MOXD1: variants seen among roughly 807,000 people sequenced by gnomAD.
MOXD1 encodes the protein DBH-like monooxygenase protein 1.
A neutral mutation model predicts 66.6 loss-of-function variants in MOXD1; 62 were observed. That is an observed-to-expected ratio of 0.93 (90% CI 0.76 to 1.15). MOXD1 has a LOEUF of 1.15. Among genes scored for constraint, MOXD1 ranks in the 50% most tolerant of loss-of-function variants. The probability of loss-of-function intolerance (pLI) is 0.00; values close to 1 mark genes in which losing one functional copy is unlikely to be tolerated. For missense variants in MOXD1, 847 were observed against 754.6 expected, an observed-to-expected ratio of 1.12 and a Z score of -1.44; for synonymous variants, 303 against 281.9, an observed-to-expected ratio of 1.07 and a Z score of -0.75.
chr6:132,401,370 C>A lies in MOXD1; in HGVS notation c.57G>T (p.Gly19=), dbSNP rs773544835. ...LWGLLPGTAA[G]GSGRTYPHRT... ...GGTGCGGATAGGTTCGGCCCGAGCC[C>A]CCCGCCGCCGTCCCGGGGAGCAGCC... Residue 19 remains glycine (G), a synonymous_variant, in exon 1 of 12, where the codon GGG becomes GGT. Transcript: ENST00000367963. 6.5e-7 allele frequency: 1 copy of A among 1,546,798 alleles called. No homozygotes were observed. Among genetic ancestry groups the A allele is most frequent in the Admixed American group, 1.9e-5 (1 of 52,396 alleles).
In MOXD1 at chr6:132,401,217, C is replaced by T. The variant is rs1361678328; in HGVS notation, c.210G>A (p.Met70Ile). The part of the protein sequence containing the change: ...VGFGFSPTGA[M>I]ASADIVVGGV... Reference sequence around the variant, plus strand: ...CGCCCACGACGATGTCGGCGGACGCCATGGCCCCGGTGGGCGAGAAGCCGA... The same window carrying T: ...CGCCCACGACGATGTCGGCGGACGCTATGGCCCCGGTGGGCGAGAAGCCGA... The change falls in exon 1 of 12, where the codon ATG (methionine) becomes ATA (isoleucine). Residue 70 changes from methionine (M) to isoleucine (I), a missense_variant. Physicochemically the swap from Met to Ile is conservative, Grantham distance 10 (BLOSUM62 1). Coordinates refer to ENST00000367963, the MANE Select transcript of MOXD1 (RefSeq NM_015529.4). 6.4e-7 allele frequency: 1 copy of T among 1,570,684 alleles called. No individual in the cohort carries two copies. Among genetic ancestry groups the T allele is most frequent in the Non-Finnish European group, 8.6e-7 (1 of 1,166,732 alleles).
Position 132,401,455 on chromosome 6 carries a change from G to A in MOXD1, c.-29C>T. ...CGGGCGCCTCCTGCCCGCCGGTACC[G>A]GCCTCCAGCCGCTGGGGAGTGAGGA... On this transcript the variant is annotated 5_prime_UTR_variant, in exon 1 of 12. Transcript: ENST00000367963. The A allele has an allele frequency of 6.8e-7, 1 of 1,464,226 alleles. No individual in the cohort carries two copies. The highest frequency in any genetic ancestry group is 9.0e-7 in the Non-Finnish European group (1 of 1,114,518). 90.7% of individuals were successfully genotyped at this position (1,464,226 alleles called of 1,614,324 possible). A position where few individuals can be genotyped will look rare whatever the true frequency, so the allele number is the denominator to read the frequency against.
At chr6:132,310,840 CT>C (rs1373602705) in intron 10 of MOXD1, among the ~76,000 whole-genome samples, 1 of 151,992 alleles carries the variant, frequency 6.6e-6, no homozygotes, top group Admixed American at 6.6e-5. Flanking sequence ...ACACCAGGGC[CT>C]GTTGGGGGAT....
At chr6:132,366,031 A>G (rs983746621) in intron 4 of MOXD1, among the ~76,000 whole-genome samples, 2 of 152,202 alleles carry the variant, frequency 1.3e-5, no homozygotes, top group Non-Finnish European at 2.9e-5. Flanking sequence ...TTTTTATAGC[A>G]TAACTTTTTC....
chr6:132,306,053 A>G (rs1015759070), intron 10 of MOXD1, among the ~76,000 whole-genome samples: 1 of 152,142 alleles, frequency 6.6e-6, no homozygotes, highest in Non-Finnish European at 1.5e-5. Flanking sequence ...AAGATGGGTA[A>G]TAAAAACTAT....
chr6:132,372,571 A>G (rs1176697375), intron 4 of MOXD1, 37 bp downstream of exon 4: 7 of 1,507,108 alleles, frequency 4.6e-6, no homozygotes, highest in Non-Finnish European at 6.5e-6. Context: ...TTTTCCACTC[A>G]TGAAAATTAA....
Position 132,340,638 on chromosome 6 carries a change from A to ATTTTTT in MOXD1, c.664-12050_664-12045dup, listed in dbSNP as rs869205496. Among the ~76,000 whole-genome samples, 84 of 98,780 alleles carry ATTTTTT rather than the reference A, an allele frequency of 8.5e-4. 7 individuals carry two copies. The highest frequency in any genetic ancestry group is 8.1e-3 in the East Asian group (20 of 2,460). 64.8% of individuals were successfully genotyped at this position (98,780 alleles called of 152,430 possible). A position where few individuals can be genotyped will look rare whatever the true frequency, so the allele number is the denominator to read the frequency against. On this transcript the variant is annotated intron_variant, in intron 4 of 11. Coordinates refer to ENST00000367963, the MANE Select transcript of MOXD1 (RefSeq NM_015529.4). ...ACAACATGCTAAAACAACAAGACTCATTTTTTTTTTTTTTTTTTTTTTTTT... is the reference window on the plus strand; with the variant it reads ...ACAACATGCTAAAACAACAAGACTCATTTTTTTTTTTTTTTTTTTTTTTTTTTTTTT...
chr6:132,332,737 C>A (rs1382236107), intron 4 of MOXD1, among the ~76,000 whole-genome samples: 2 of 152,332 alleles, frequency 1.3e-5, no homozygotes, highest in East Asian at 3.9e-4. Flanking sequence ...GCACTGCTAC[C>A]AATCCCCTGA....
At chr6:132,341,835 G>A (rs1775569308) in intron 4 of MOXD1, among the ~76,000 whole-genome samples, 1 of 152,132 alleles carries the variant, frequency 6.6e-6, no homozygotes, top group African/African-American at 2.4e-5. Context: ...GCTCACATTT[G>A]CCCTGTTGCT....
intron 4 of MOXD1, among the ~76,000 whole-genome samples, chr6:132,334,710 A>G (rs1171719156): frequency 1.3e-5 from 2 of 152,172 alleles, no homozygotes; most frequent in Non-Finnish European, 2.9e-5. Flanking sequence ...TATTTTGATG[A>G]GAGAGGAAAG....
At chr6:132,327,909 C>T (rs1775222094) in intron 6 of MOXD1, 104 bp downstream of exon 6, 2 of 832,120 alleles carry the variant, frequency 2.4e-6, no homozygotes, top group Non-Finnish European at 3.9e-6. Context: ...TAGGTTAATT[C>T]CTTCTAACAC....
At chr6:132,339,069 T>A (rs1283794821) in intron 4 of MOXD1, among the ~76,000 whole-genome samples, 1 of 152,208 alleles carries the variant, frequency 6.6e-6, no homozygotes, top group Non-Finnish European at 1.5e-5. Context: ...AATATTTCCA[T>A]AAATATTAAT....
intron 4 of MOXD1, among the ~76,000 whole-genome samples, chr6:132,332,084 C>T (rs1775331569): frequency 6.6e-6 from 1 of 152,192 alleles, no homozygotes; most frequent in Admixed American, 6.5e-5. Context: ...GCCCCTTGGC[C>T]TCTAGGATGA....
intron 1 of MOXD1, among the ~76,000 whole-genome samples, chr6:132,383,082 C>T (rs1416358680): frequency 2.0e-5 from 3 of 152,180 alleles, no homozygotes; most frequent in African/African-American, 7.2e-5. Flanking sequence ...TACCATCTGT[C>T]ATCATTTTCT....
intron 7 of MOXD1, 147 bp from the exon 8 acceptor site, chr6:132,323,017 G>A (rs1446215872): frequency 1.3e-6 from 1 of 769,274 alleles, no homozygotes; most frequent in African/African-American, 1.8e-5. Flanking sequence ...TTTGAATTCG[G>A]ATTGTTCAGT....
At chr6:132,363,272 T>C (rs1011532682) in intron 4 of MOXD1, among the ~76,000 whole-genome samples, 2 of 151,424 alleles carry the variant, frequency 1.3e-5, no homozygotes, top group Non-Finnish European at 1.5e-5. Context: ...GTGATGAATA[T>C]GTCTATTACC....
At chr6:132,378,875 CTTTTTTTTTTTTTTTTTTTTTTTT>C (rs3038136) in intron 1 of MOXD1, among the ~76,000 whole-genome samples, 1 of 41,886 alleles carries the variant, frequency 2.4e-5, no homozygotes, top group Non-Finnish European at 6.3e-5. Flanking sequence ...AACACTTCCT[CTTTTTTTTTTTTTTTTTTTTTTTT>C]TTTTTTTTTT....
intron 10 of MOXD1, among the ~76,000 whole-genome samples, chr6:132,303,852 TATATATATATATATATATATATATATAC>T (rs1346092671): frequency 1.5e-5 from 1 of 68,662 alleles, no homozygotes; most frequent in African/African-American, 1.5e-4. Context: ...TATATATATA[TATATATATATATATATATATATATATAC>T]ATATATACAT....
Position 132,335,793 on chromosome 6 carries a change from C to A in MOXD1, c.664-7199G>T, listed in dbSNP as rs182845210. Reference sequence around the variant, plus strand: ...AAATTTGGAGATTTGTACATTTCTACCTAGGTCATGATTGTCCCTGTCATT... The same window carrying A: ...AAATTTGGAGATTTGTACATTTCTAACTAGGTCATGATTGTCCCTGTCATT... On this transcript the variant is annotated intron_variant, in intron 4 of 11. Transcript: ENST00000367963. Among the ~76,000 whole-genome samples the A allele has an allele frequency of 2.6e-5, 4 of 152,286 alleles. No homozygotes were observed. The East Asian group carries it at 7.7e-4, about 29-fold the overall frequency.
Sources: gnomAD v4.1 joint callset for allele counts (sites outside exome capture counted in the v4.1 genomes callset) on GRCh38, gnomAD v4.1.1 for gene constraint, MANE v1.5 for transcripts, NCBI Gene and HGNC (gene_info 2026-07-23, HGNC 2026-07-21) for gene names.